The following SOX5 variants were observed in gnomAD, a reference collection of about 807,000 sequenced individuals.
SOX5 encodes the protein SRY-box transcription factor 5, also known as transcription factor SOX-5.
A neutral mutation model predicts 92.0 loss-of-function variants in SOX5; 9 were observed. That is an observed-to-expected ratio of 0.10 (90% CI 0.06 to 0.17). The LOEUF is 0.17. Among genes scored for constraint, SOX5 ranks in the 10% least tolerant of loss-of-function variants. The probability of loss-of-function intolerance (pLI) is 1.00; values close to 1 mark genes in which losing one functional copy is unlikely to be tolerated. For missense variants in SOX5, 642 were observed against 944.5 expected (o/e 0.68, Z 4.20); for synonymous variants, 344 against 336.3 (o/e 1.02, Z -0.25).
At chr12:24,355,800 C>T (rs988946502) in intron 2 of SOX5, among the ~76,000 whole-genome samples, 8 of 152,102 alleles carry the variant, frequency 5.3e-5, no homozygotes, top group African/African-American at 1.4e-4. Flanking sequence ...GGAAAAATTA[C>T]TTATTTCCAG....
chr12:24,200,569 G>A (rs1957421079), intron 4 of SOX5, among the ~76,000 whole-genome samples: 1 of 151,862 alleles, frequency 6.6e-6, no homozygotes, highest in Non-Finnish European at 1.5e-5. Context: ...GGGTGTCTGT[G>A]GATACTGTAA....
chr12:23,870,721 G>C (rs1242093648), intron 2 of SOX5, among the ~76,000 whole-genome samples: 2 of 151,948 alleles, frequency 1.3e-5, no homozygotes, highest in South Asian at 2.1e-4. Flanking sequence ...AACAAATCTT[G>C]GTGCTAAATT....
rs113897181 is a variant in SOX5 at position 24,550,429 on chromosome 12, C to G, written c.-251+11900G>C. Reference sequence around the variant, plus strand: ...GCTCTGGACTCATGCCAAACACAATCTCTGATGACCCTTTTAGAGACCTCA... The same window carrying G: ...GCTCTGGACTCATGCCAAACACAATGTCTGATGACCCTTTTAGAGACCTCA... On this transcript the variant is annotated intron_variant, in intron 1 of 4. Transcript: ENST00000446891. 3.7e-4 allele frequency among the ~76,000 whole-genome samples: 56 copies of G among 152,276 alleles called. 1 individual carries two copies. The highest frequency in any genetic ancestry group is 1.1e-3 in the African/African-American group (47 of 41,544).
At chr12:24,248,963 C>A (rs1030739038) in intron 3 of SOX5, among the ~76,000 whole-genome samples, 5 of 152,108 alleles carry the variant, frequency 3.3e-5, no homozygotes, top group African/African-American at 9.7e-5. Flanking sequence ...ACGATGGTAA[C>A]CATTAGTCAA....
intron 2 of SOX5, among the ~76,000 whole-genome samples, chr12:23,862,936 C>T (rs1455105039): frequency 6.6e-6 from 1 of 152,148 alleles, no homozygotes; most frequent in Non-Finnish European, 1.5e-5. Context: ...TGAATAACAG[C>T]TTTGTGCAAG....
At chr12:23,675,366 T>C (rs2085497466) in intron 6 of SOX5, among the ~76,000 whole-genome samples, 1 of 152,156 alleles carries the variant, frequency 6.6e-6, no homozygotes, top group Non-Finnish European at 1.5e-5. Flanking sequence ...AGCTGAAAAC[T>C]TCACCTGACT....
At chr12:23,635,878 G>A (rs2138575376) in intron 8 of SOX5, among the ~76,000 whole-genome samples, 1 of 152,148 alleles carries the variant, frequency 6.6e-6, no homozygotes, top group Non-Finnish European at 1.5e-5. Flanking sequence ...TAGGTGGAAT[G>A]AAAAGCTAGT....
intron 6 of SOX5, among the ~76,000 whole-genome samples, chr12:23,719,734 G>A (rs934913605): frequency 2.3e-4 from 32 of 137,088 alleles, no homozygotes; most frequent in African/African-American, 8.2e-4. Flanking sequence ...GCCACTGCAT[G>A]AGCCTGGGCA....
chr12:24,026,987 T>C (rs1262367278), intron 4 of SOX5, among the ~76,000 whole-genome samples: 1 of 152,086 alleles, frequency 6.6e-6, no homozygotes, highest in Non-Finnish European at 1.5e-5. Context: ...TTGCCTAACA[T>C]GGATTCTTGT....
intron 10 of SOX5, among the ~76,000 whole-genome samples, chr12:23,566,012 C>G (rs1947015269): frequency 6.6e-6 from 1 of 152,136 alleles, no homozygotes; most frequent in Admixed American, 6.5e-5. Flanking sequence ...TAATTTATTT[C>G]CATTTATGCC....
intron 4 of SOX5, among the ~76,000 whole-genome samples, chr12:24,009,038 G>A (rs946842522): frequency 6.6e-6 from 1 of 152,186 alleles, no homozygotes; most frequent in Non-Finnish European, 1.5e-5. Flanking sequence ...CATGTGAAGA[G>A]GCTGCAGGGA....
At chr12:24,144,211 C>G (rs777479613) in intron 4 of SOX5, among the ~76,000 whole-genome samples, 1 of 152,000 alleles carries the variant, frequency 6.6e-6, no homozygotes, top group Non-Finnish European at 1.5e-5. Context: ...AACTGACAAC[C>G]TTGGAAAAGT....
At chr12:23,823,520 C>T (rs1373048069) in intron 3 of SOX5, among the ~76,000 whole-genome samples, 1 of 152,096 alleles carries the variant, frequency 6.6e-6, no homozygotes, top group Non-Finnish European at 1.5e-5. Context: ...GTGGGTAACC[C>T]TACTTTTCTC....
At chr12:24,416,941 T>C (rs1450626170) in intron 1 of SOX5, among the ~76,000 whole-genome samples, 2 of 152,194 alleles carry the variant, frequency 1.3e-5, no homozygotes, top group African/African-American at 4.8e-5. Flanking sequence ...TCAGACTTCA[T>C]GGTTCAGGTG....
intron 4 of SOX5, among the ~76,000 whole-genome samples, chr12:24,161,730 T>C (rs1419751377): frequency 6.6e-6 from 1 of 151,998 alleles, no homozygotes; most frequent in Non-Finnish European, 1.5e-5. Context: ...TCCATAAAAC[T>C]GATAAAGATT....
chr12:24,096,131 A>G (rs1034608982), intron 4 of SOX5, among the ~76,000 whole-genome samples: 1 of 152,074 alleles, frequency 6.6e-6, no homozygotes, highest in African/African-American at 2.4e-5. Context: ...AACATTTTTT[A>G]TTATACTTTA....
At chr12:24,205,409 C>T (rs1330232618) in intron 4 of SOX5, among the ~76,000 whole-genome samples, 1 of 152,166 alleles carries the variant, frequency 6.6e-6, no homozygotes, top group Non-Finnish European at 1.5e-5. Flanking sequence ...ATTACATCCT[C>T]AAAACAATCA....
chr12:23,610,316 A>G (rs1344283120), intron 8 of SOX5, among the ~76,000 whole-genome samples: 1 of 152,062 alleles, frequency 6.6e-6, no homozygotes, highest in African/African-American at 2.4e-5. Flanking sequence ...TAAAAACACA[A>G]CTTCTCTGAT....
intron 3 of SOX5, among the ~76,000 whole-genome samples, chr12:23,819,346 T>C (rs2096061533): frequency 6.6e-6 from 1 of 152,208 alleles, no homozygotes; most frequent in African/African-American, 2.4e-5. Context: ...CTGTACTTTC[T>C]TTGTGTAAAA....
Sources: gnomAD v4.1 joint callset for allele counts (sites outside exome capture counted in the v4.1 genomes callset) on GRCh38, gnomAD v4.1.1 for gene constraint, MANE v1.5 for transcripts, NCBI Gene and HGNC (gene_info 2026-07-23, HGNC 2026-07-21) for gene names.